The following ZNF423 variants were observed in gnomAD, a reference collection of about 807,000 sequenced individuals.
ZNF423 encodes the protein Ebf-associated zinc finger protein.
ZNF423 carries 12 observed loss-of-function variants against 95.8 expected under a neutral mutation model. The ratio of observed to expected loss-of-function variants is 0.13; its 90% CI spans 0.08 to 0.20. The LOEUF is 0.20. Ranked by LOEUF, ZNF423 falls within the 10% of genes least tolerant of loss-of-function variation. ZNF423 has a pLI of 1.00. For synonymous variants in ZNF423, 749 were observed against 711.9 expected (o/e 1.05, Z -0.83); for missense variants, 1,316 against 1,737.1 (o/e 0.76, Z 4.31).
chr16:49,545,160 AT>A (rs1331647054), intron 5 of ZNF423, among the ~76,000 whole-genome samples: 3 of 152,208 alleles, frequency 2.0e-5, no homozygotes, highest in African/African-American at 7.2e-5. Flanking sequence ...GGAACACTTT[AT>A]CCCCAGGTCT....
chr16:49,697,542 T>C (rs906716482), intron 3 of ZNF423, among the ~76,000 whole-genome samples: 5 of 151,832 alleles, frequency 3.3e-5, no homozygotes, highest in Non-Finnish European at 7.4e-5. Context: ...TATGCCAGAC[T>C]GACACGCAGG....
At chr16:49,526,584 C>G (rs1037812899) in intron 5 of ZNF423, among the ~76,000 whole-genome samples, 6 of 152,166 alleles carry the variant, frequency 3.9e-5, no homozygotes, top group Admixed American at 2.0e-4. Context: ...GACCACCTGT[C>G]CTCCCTGCTT....
intron 3 of ZNF423, among the ~76,000 whole-genome samples, chr16:49,704,478 G>C (rs926409232): frequency 3.3e-5 from 5 of 152,144 alleles, no homozygotes; most frequent in Non-Finnish European, 5.9e-5. Context: ...ATACCAGGAA[G>C]CCCATTAGTC....
intron 5 of ZNF423, among the ~76,000 whole-genome samples, chr16:49,584,433 CT>C (rs1439180161): frequency 2.6e-5 from 4 of 152,182 alleles, no homozygotes; most frequent in Non-Finnish European, 5.9e-5. Flanking sequence ...TTTTCTGGGA[CT>C]TTTCCAACAG....
chr16:49,681,689 T>G (rs1264494536), intron 3 of ZNF423, among the ~76,000 whole-genome samples: 1 of 152,138 alleles, frequency 6.6e-6, no homozygotes, highest in African/African-American at 2.4e-5. Context: ...CCTCGGCCAC[T>G]CCCCCAGGTG....
intron 7 of ZNF423, among the ~76,000 whole-genome samples, chr16:49,499,084 C>T (rs1014326736): frequency 2.0e-5 from 3 of 152,224 alleles, no homozygotes; most frequent in African/African-American, 4.8e-5. Flanking sequence ...ATGACCCCCA[C>T]CCAGCAAGCC....
intron 3 of ZNF423, among the ~76,000 whole-genome samples, chr16:49,670,692 G>C (rs1342649305): frequency 6.6e-6 from 1 of 152,208 alleles, no homozygotes; most frequent in Non-Finnish European, 1.5e-5. Context: ...TGCCCCATAA[G>C]CTGTGAAACC....
chr16:49,768,909 G>A (rs1478768163), intron 2 of ZNF423, among the ~76,000 whole-genome samples: 5 of 151,980 alleles, frequency 3.3e-5, no homozygotes, highest in Non-Finnish European at 7.4e-5. Context: ...CATCCACACC[G>A]AGCTGCCCTA....
intron 1 of ZNF423, among the ~76,000 whole-genome samples, chr16:49,836,041 C>T (rs2035116007): frequency 6.6e-6 from 1 of 152,186 alleles, no homozygotes; most frequent in East Asian, 1.9e-4. Context: ...CCGACAACCA[C>T]AGCTAAGATT....
At chr16:49,692,035 C>T (rs1044797993) in intron 3 of ZNF423, among the ~76,000 whole-genome samples, 1 of 152,096 alleles carries the variant, frequency 6.6e-6, no homozygotes, top group African/African-American at 2.4e-5. Flanking sequence ...CTGCAACCTC[C>T]ACCTCCCAGG....
At chr16:49,846,274 TG>T (rs1299474582) in intron 1 of ZNF423, among the ~76,000 whole-genome samples, 1 of 128,742 alleles carries the variant, frequency 7.8e-6, no homozygotes, top group East Asian at 2.3e-4. Context: ...CACTCCAGCC[TG>T]GCTGACAGAG....
chr16:49,809,689 A>T (rs1280291618), intron 1 of ZNF423, among the ~76,000 whole-genome samples: 1 of 151,878 alleles, frequency 6.6e-6, no homozygotes, highest in Non-Finnish European at 1.5e-5. Flanking sequence ...AGAGGTGGGG[A>T]CCCCCGGGTG....
intron 5 of ZNF423, among the ~76,000 whole-genome samples, chr16:49,528,359 C>T (rs1968700276): frequency 6.6e-6 from 1 of 152,144 alleles, no homozygotes; most frequent in Non-Finnish European, 1.5e-5. Context: ...GTCAGGCAGC[C>T]CTGGAGCTGC....
chr16:49,669,940 G>A (rs2030731726), intron 3 of ZNF423, among the ~76,000 whole-genome samples: 2 of 152,192 alleles, frequency 1.3e-5, no homozygotes, highest in South Asian at 2.1e-4. Flanking sequence ...GTAAACTGTC[G>A]AGAGCCATTG....
At chr16:49,553,062 A>G (rs1330433849) in intron 5 of ZNF423, among the ~76,000 whole-genome samples, 1 of 152,188 alleles carries the variant, frequency 6.6e-6, no homozygotes, top group Non-Finnish European at 1.5e-5. Context: ...GTAAAGATCA[A>G]ATATTAATTT....
chr16:49,490,926 A>T lies in ZNF423; in HGVS notation c.*349T>A, dbSNP rs1276246462. 4.1e-6 allele frequency: 1 copy of T among 241,606 alleles called. No homozygotes were observed. Among genetic ancestry groups the T allele is most frequent in the Non-Finnish European group, 7.9e-6 (1 of 125,988 alleles). The allele number at this position is 241,606 out of a possible 1,614,324, so 15.0% of individuals were successfully genotyped here. The stretch of plus-strand genomic sequence containing the variant: ...GAAAAAAAAGAAGCAAAGAAAAAAA[A>T]TCACACTAATTCTTTTTTAAAAACT... On this transcript the variant is annotated 3_prime_UTR_variant, in exon 8 of 8. Coordinates refer to ENST00000563137, the MANE Select transcript of ZNF423 (RefSeq NM_001379286.1).
intron 3 of ZNF423, among the ~76,000 whole-genome samples, chr16:49,697,020 A>T (rs1235433646): frequency 1.3e-5 from 2 of 152,204 alleles, no homozygotes; most frequent in African/African-American, 2.4e-5. Context: ...CGGAGGGTTG[A>T]CGCAGGAATG....
chr16:49,731,796 C>T (rs2033175520), intron 2 of ZNF423, among the ~76,000 whole-genome samples: 1 of 152,046 alleles, frequency 6.6e-6, no homozygotes, highest in South Asian at 2.1e-4. Context: ...GGCCTGGACC[C>T]TATCTCTAAA....
At position 49,655,685 on chromosome 16, in the gene ZNF423, C is replaced by T. The variant is rs529850680; in HGVS notation, c.302-16811G>A. On this transcript the variant is annotated intron_variant, in intron 3 of 7. Coordinates refer to ENST00000563137, the MANE Select transcript of ZNF423 (RefSeq NM_001379286.1). ...TTTCCTCCACTTTTGGAATAAATTG[C>T]CATGTCCTCTGTGTGAAAGAGCCAA... Among the ~76,000 whole-genome samples, 4 of 152,270 alleles carry T rather than the reference C, an allele frequency of 2.6e-5. No individual in the cohort carries two copies. In the East Asian group the frequency reaches 5.8e-4, roughly 22 times the overall value.
Sources: gnomAD v4.1 joint callset for allele counts (sites outside exome capture counted in the v4.1 genomes callset) on GRCh38, gnomAD v4.1.1 for gene constraint, MANE v1.5 for transcripts, NCBI Gene and HGNC (gene_info 2026-07-23, HGNC 2026-07-21) for gene names.